Variants in RASAL2 observed in about 807,000 individuals in gnomAD.
RASAL2 encodes the protein ras GTPase-activating protein nGAP.
Under a neutral mutation model 128.9 loss-of-function variants are expected in RASAL2, and 58 were observed. That is an observed-to-expected ratio of 0.45 (90% CI 0.36 to 0.56). The LOEUF (loss-of-function observed/expected upper bound fraction) is 0.56, where lower values mean the gene tolerates loss of function less well. RASAL2 is among the 20% of genes least tolerant of loss of function. RASAL2 has a pLI of 0.00. For missense variants in RASAL2, 1,360 were observed against 1,601.6 expected (o/e 0.85, Z 2.57); for synonymous variants, 561 against 580.8 (o/e 0.97, Z 0.49).
At chr1:178,342,290 G>A (rs1242112453) in intron 3 of RASAL2, among the ~76,000 whole-genome samples, 2 of 152,178 alleles carry the variant, frequency 1.3e-5, no homozygotes, top group South Asian at 2.1e-4. Flanking sequence ...TAAGGTACTT[G>A]CCCAAGGTCA....
rs142488645 is a variant in RASAL2, at chr1:178,141,461, T to G, written c.202+46767T>G. 8.3e-4 allele frequency among the ~76,000 whole-genome samples: 127 copies of G among 152,194 alleles called. 1 individual carries two copies. Among genetic ancestry groups the G allele is most frequent in the African/African-American group, 2.9e-3 (120 of 41,508 alleles). ...TGTGAGCTGAGTTACAAAAGTCCTG[T>G]GTTTAAAGGTAGGTGCAGTCACCTT... On this transcript the variant is annotated intron_variant, in intron 1 of 17. Coordinates refer to ENST00000367649, the MANE Select transcript of RASAL2 (RefSeq NM_170692.4).
At chr1:178,394,846 G>A (rs1240810659) in intron 4 of RASAL2, among the ~76,000 whole-genome samples, 4 of 152,116 alleles carry the variant, frequency 2.6e-5, no homozygotes, top group African/African-American at 9.6e-5. Context: ...AAATACACTA[G>A]AAAGAAAACA....
At chr1:178,150,166 A>G (rs1158205904) in intron 1 of RASAL2, among the ~76,000 whole-genome samples, 2 of 152,160 alleles carry the variant, frequency 1.3e-5, no homozygotes, top group Non-Finnish European at 2.9e-5. Context: ...GATTAAATTA[A>G]GAAATTACAG....
chr1:178,116,550 G>A (rs1051995828), intron 1 of RASAL2, among the ~76,000 whole-genome samples: 1 of 151,806 alleles, frequency 6.6e-6, no homozygotes, highest in Non-Finnish European at 1.5e-5. Context: ...TTTTAAAGGA[G>A]GAACTACTTC....
chr1:178,283,090 T>A (rs1217304086), intron 1 of RASAL2, among the ~76,000 whole-genome samples: 1 of 152,202 alleles, frequency 6.6e-6, no homozygotes, highest in Non-Finnish European at 1.5e-5. Flanking sequence ...GTTTAAACAT[T>A]GTCAATTCCT....
At chr1:178,201,951 C>T (rs775449256) in intron 1 of RASAL2, among the ~76,000 whole-genome samples, 11 of 152,148 alleles carry the variant, frequency 7.2e-5, no homozygotes, top group African/African-American at 2.2e-4. Context: ...ATCCCTCTAC[C>T]GACAATTTAT....
chr1:178,296,123 ATG>A (rs1667494426), intron 2 of RASAL2, among the ~76,000 whole-genome samples: 5 of 107,984 alleles, frequency 4.6e-5, no homozygotes, highest in African/African-American at 2.1e-4. Context: ...GTGTATATAT[ATG>A]TGTATATATA....
intron 4 of RASAL2, among the ~76,000 whole-genome samples, chr1:178,413,422 C>T (rs1311045692): frequency 1.3e-5 from 2 of 151,876 alleles, no homozygotes; most frequent in African/African-American, 4.9e-5. Context: ...ATGAAGTTCA[C>T]AGTCCAGAAA....
chr1:178,121,397 A>T (rs908951101), intron 1 of RASAL2, among the ~76,000 whole-genome samples: 1 of 152,122 alleles, frequency 6.6e-6, no homozygotes, highest in African/African-American at 2.4e-5. Flanking sequence ...ATAGGTTGTG[A>T]TTTGCTCAGT....
chr1:178,107,695 C>A (rs1177812455), intron 1 of RASAL2, among the ~76,000 whole-genome samples: 1 of 152,050 alleles, frequency 6.6e-6, no homozygotes, highest in African/African-American at 2.4e-5. Flanking sequence ...TTCTAGGTAC[C>A]TCATATAGGT....
chr1:178,277,147 C>CAAAAAAAAAAAAAAAAAAAAAAAAAAAAA (rs61384367), intron 1 of RASAL2, among the ~76,000 whole-genome samples: 1 of 55,146 alleles, frequency 1.8e-5, no homozygotes, highest in Non-Finnish European at 3.5e-5. Context: ...GATTCCCTCT[C>CAAAAAAAAAAAAAAAAAAAAAAAAAAAAA]AAAAAAAAAA....
In RASAL2 at chr1:178,094,393, C is replaced by T; in HGVS notation, c.-100C>T. ...GCTGCCGCTCGGGTCCCTGCCCTCG[C>T]TGCGCGCTCTCCTCCTCCCCTTACC... On this transcript the variant is annotated 5_prime_UTR_variant, in exon 1 of 18. Coordinates refer to ENST00000367649, the MANE Select transcript of RASAL2 (RefSeq NM_170692.4). The T allele has an allele frequency of 8.5e-7, 1 of 1,176,572 alleles. No individual in the cohort carries two copies. The highest frequency in any genetic ancestry group is 1.1e-6 in the Non-Finnish European group (1 of 873,678). 72.9% of individuals were successfully genotyped at this position (1,176,572 alleles called of 1,614,324 possible). A position where few individuals can be genotyped will look rare whatever the true frequency, so the allele number is the denominator to read the frequency against.
rs1553250958 is a variant in RASAL2, at chr1:178,110,637, C to CATATATATAT, written c.202+15950_202+15959dup. On this transcript the variant is annotated intron_variant, in intron 1 of 17. Transcript: ENST00000367649. Reference sequence around the variant, plus strand: ...CTATATACACTATATATAGTGTATACATATATATATATATATGTATGTATA... The same window carrying CATATATATAT: ...CTATATACACTATATATAGTGTATACATATATATATATATATATATATATATGTATGTATA... Among the ~76,000 whole-genome samples the CATATATATAT allele has an allele frequency of 2.2e-3, 34 of 15,608 alleles. 1 individual carries two copies. In the East Asian group the frequency reaches 0.024, roughly 11 times the overall value. 10.2% of individuals were successfully genotyped at this position (15,608 alleles called of 152,430 possible). A position where few individuals can be genotyped will look rare whatever the true frequency, so the allele number is the denominator to read the frequency against.
At chr1:178,237,030 C>T (rs1442860882) in intron 1 of RASAL2, among the ~76,000 whole-genome samples, 1 of 152,074 alleles carries the variant, frequency 6.6e-6, no homozygotes, top group Non-Finnish European at 1.5e-5. Flanking sequence ...TCCGAAAATG[C>T]TGGAATTACA....
At chr1:178,169,227 C>T (rs1038071708) in intron 1 of RASAL2, among the ~76,000 whole-genome samples, 27 of 152,056 alleles carry the variant, frequency 1.8e-4, no homozygotes, top group African/African-American at 6.5e-4. Context: ...TGAATATTTC[C>T]AAGTCTTATT....
At chr1:178,190,321 A>AT (rs1308058409) in intron 1 of RASAL2, among the ~76,000 whole-genome samples, 9 of 149,212 alleles carry the variant, frequency 6.0e-5, no homozygotes, top group Non-Finnish European at 1.2e-4. Context: ...ACTTAATTTT[A>AT]TAAAACCAAA....
rs551176220 is a variant in RASAL2 at position 178,098,212 on chromosome 1, T to A, written c.202+3518T>A. On this transcript the variant is annotated intron_variant, in intron 1 of 17. Transcript: ENST00000367649. ...CAACTTGTCTGCCAGATTGGTACCTTGCTCATAGTAAGTCAGTGTCTGTTG... is the reference window on the plus strand; with the variant it reads ...CAACTTGTCTGCCAGATTGGTACCTAGCTCATAGTAAGTCAGTGTCTGTTG... 1.5e-4 allele frequency among the ~76,000 whole-genome samples: 23 copies of A among 152,342 alleles called. No individual in the cohort carries two copies. The South Asian group carries it at 4.8e-3, about 32-fold the overall frequency.
intron 1 of RASAL2, among the ~76,000 whole-genome samples, chr1:178,149,160 G>A (rs1007824886): frequency 2.7e-4 from 41 of 152,060 alleles, no homozygotes; most frequent in African/African-American, 9.9e-4. Context: ...TCACTAATTT[G>A]GGTATTAATG....
intron 1 of RASAL2, among the ~76,000 whole-genome samples, chr1:178,265,111 A>C (rs1232318259): frequency 2.0e-5 from 3 of 152,240 alleles, no homozygotes; most frequent in Non-Finnish European, 2.9e-5. Context: ...ACTTGCCCCA[A>C]ATCATCTGTA....
Sources: gnomAD v4.1 joint callset for allele counts (sites outside exome capture counted in the v4.1 genomes callset) on GRCh38, gnomAD v4.1.1 for gene constraint, MANE v1.5 for transcripts, NCBI Gene and HGNC (gene_info 2026-07-23, HGNC 2026-07-21) for gene names.